NAA15: variants seen among roughly 807,000 people sequenced by gnomAD.
NAA15 encodes N-alpha-acetyltransferase 15, NatA auxiliary subunit.
Under a neutral mutation model 114.0 loss-of-function variants are expected in NAA15, and 34 were observed. That is an observed-to-expected ratio of 0.30 (90% CI 0.23 to 0.40). NAA15 has a LOEUF of 0.40. NAA15 is among the 10% of genes least tolerant of loss of function. The pLI is 1.00. For synonymous variants in NAA15, 340 were observed against 338.0 expected (o/e 1.01, Z -0.06); for missense variants, 658 against 1,004.5 (o/e 0.66, Z 4.66).
intron 14 of NAA15, among the ~76,000 whole-genome samples, chr4:139,367,975 A>G (rs914026699): frequency 6.6e-6 from 1 of 152,062 alleles, no homozygotes; most frequent in Non-Finnish European, 1.5e-5. Context: ...CAGCCTCCTC[A>G]AAGTCTAGAC....
intron 1 of NAA15, among the ~76,000 whole-genome samples, chr4:139,322,601 G>A (rs12645529): frequency 0.19 from 29,253 of 152,192 alleles, 3,200 homozygotes; most frequent in Non-Finnish European, 0.25. Flanking sequence ...GTAGTTGTTA[G>A]GCTCATGCTA....
At chr4:139,376,341 TATA>T in intron 15 of NAA15, 21 bp from the exon 16 acceptor site, 3 of 1,383,324 alleles carry the variant, frequency 2.2e-6, no homozygotes, top group African/African-American at 2.9e-5. Context: ...GTTTCATTTG[TATA>T]ATATCTTTTA....
intron 9 of NAA15, among the ~76,000 whole-genome samples, chr4:139,353,532 C>G (rs1248113749): frequency 6.6e-6 from 1 of 152,138 alleles, no homozygotes; most frequent in Non-Finnish European, 1.5e-5. Context: ...GAAACCAGAA[C>G]CTGGATGGCC....
intron 5 of NAA15, among the ~76,000 whole-genome samples, chr4:139,343,849 G>A (rs1747490843): frequency 6.6e-6 from 1 of 152,134 alleles, no homozygotes; most frequent in Admixed American, 6.5e-5. Context: ...GCCTGAATCA[G>A]TATTACTATG....
Position 139,336,830 on chromosome 4 carries a change from C to T in NAA15, c.140-18C>T. The T allele has an allele frequency of 7.0e-7, 1 of 1,421,184 alleles. No individual in the cohort carries two copies. The highest frequency in any genetic ancestry group is 1.5e-5 in the African/African-American group (1 of 68,528). The allele number at this position is 1,421,184 out of a possible 1,614,324, so 88.0% of individuals were successfully genotyped here. A position where few individuals can be genotyped will look rare whatever the true frequency, so the allele number is the denominator to read the frequency against. ...ATTTTTTTAAAATGTTCCTTTTCTT[C>T]TTTGTTTTTGAAAATAGAAACCTTG... is the stretch of plus-strand genomic sequence containing the variant. On this transcript the variant is annotated intron_variant, in intron 2 of 19. Coordinates refer to ENST00000296543, the MANE Select transcript of NAA15 (RefSeq NM_057175.5).
intron 10 of NAA15, among the ~76,000 whole-genome samples, chr4:139,355,852 T>A (rs1747932812): frequency 6.6e-6 from 1 of 152,210 alleles, no homozygotes; most frequent in Non-Finnish European, 1.5e-5. Flanking sequence ...TTTTATATGT[T>A]AGCAACTGTT....
intron 6 of NAA15, among the ~76,000 whole-genome samples, chr4:139,345,811 C>T (rs1440162536): frequency 6.6e-6 from 1 of 152,066 alleles, no homozygotes; most frequent in Admixed American, 6.6e-5. Context: ...GTCCCAGCTA[C>T]TCGGGAGGCT....
Position 139,301,764 on chromosome 4 carries a change from G to A in NAA15, c.-14G>A, listed in dbSNP as rs1001683099. On this transcript the variant is annotated 5_prime_UTR_variant, in exon 1 of 20. Transcript: ENST00000296543. ...AGCCGGGTGGTGGCGGGAGCAGCGG[G>A]AGCAGCCGGAACGATGCCGGCCGTG... The A allele has an allele frequency of 2.6e-6, 4 of 1,566,734 alleles. No homozygotes were observed. Among genetic ancestry groups the A allele is most frequent in the African/African-American group, 2.7e-5 (2 of 73,360 alleles).
Position 139,312,090 on chromosome 4 carries a change from C to T in NAA15, c.54+10259C>T, listed in dbSNP as rs925624323. Among the ~76,000 whole-genome samples the T allele has an allele frequency of 1.8e-4, 27 of 151,972 alleles. 1 individual carries two copies. Among genetic ancestry groups the T allele is most frequent in the African/African-American group, 6.5e-4 (27 of 41,342 alleles). On this transcript the variant is annotated intron_variant, in intron 1 of 19. Transcript: ENST00000296543. Reference sequence around the variant, plus strand: ...AGCTGATGTGGAAGAGAGAACAAGTCACATAACAGTGAGCTTAGCCAGCAA... The same window carrying T: ...AGCTGATGTGGAAGAGAGAACAAGTTACATAACAGTGAGCTTAGCCAGCAA...
chr4:139,315,549 C>T lies in NAA15; in HGVS notation c.54+13718C>T, dbSNP rs575570018. On this transcript the variant is annotated intron_variant, in intron 1 of 19. Transcript: ENST00000296543. ...AACAATAACAACAACAACAACGACT[C>T]GGCAAATCTGAGTAAAAGAGAAAAG... Among the ~76,000 whole-genome samples the T allele has an allele frequency of 6.3e-4, 95 of 151,846 alleles. 4 individuals carry two copies. The highest frequency in any genetic ancestry group is 4.2e-3 in the Admixed American group (64 of 15,244).
intron 15 of NAA15, among the ~76,000 whole-genome samples, chr4:139,371,348 A>G (rs544741446): frequency 1.4e-4 from 22 of 152,124 alleles, no homozygotes; most frequent in Admixed American, 1.4e-3. Flanking sequence ...CCAACTATAT[A>G]GGAGGCTGAG....
chr4:139,360,671 G>A (rs1014063337), intron 13 of NAA15, 43 bp downstream of exon 13: 3 of 1,510,314 alleles, frequency 2.0e-6, no homozygotes, highest in Admixed American at 2.2e-5. Flanking sequence ...TTATTCTGTC[G>A]ATGGTTTTGG....
chr4:139,327,664 C>G (rs142301887), intron 1 of NAA15, among the ~76,000 whole-genome samples: 6 of 151,842 alleles, frequency 4.0e-5, no homozygotes. Flanking sequence ...TATTTGTTTT[C>G]GTTTTGTTTT....
chr4:139,348,899 A>G (rs886852995), intron 6 of NAA15, among the ~76,000 whole-genome samples: 3 of 152,202 alleles, frequency 2.0e-5, no homozygotes, highest in Non-Finnish European at 2.9e-5. Flanking sequence ...TGATAGGTTG[A>G]TAGTTTTTTC....
rs577268284 is a variant in NAA15 at position 139,390,861 on chromosome 4, T to G, written c.*2777T>G. On this transcript the variant is annotated 3_prime_UTR_variant, in exon 20 of 20. Transcript: ENST00000296543. ...TATCAGGCCCTTGTTTTTCACAGTG[T>G]TGTTTGTACTCCATGGTGTATTGCT... The G allele has an allele frequency of 2.0e-5, 3 of 152,276 alleles. No individual in the cohort carries two copies. The South Asian group carries it at 6.2e-4, about 32-fold the overall frequency. The allele number at this position is 152,276 out of a possible 1,614,324, so 9.4% of individuals were successfully genotyped here.
chr4:139,375,623 T>C (rs1560980107), intron 15 of NAA15, among the ~76,000 whole-genome samples: 1 of 152,136 alleles, frequency 6.6e-6, no homozygotes, highest in Non-Finnish European at 1.5e-5. Context: ...AAAGCAAATA[T>C]AGAATCCAGA....
Position 139,341,078 on chromosome 4 carries a change from A to G in NAA15, c.402+9A>G. 6.7e-7 allele frequency: 1 copy of G among 1,499,778 alleles called. No homozygotes were observed. Among genetic ancestry groups the G allele is most frequent in the Non-Finnish European group, 8.9e-7 (1 of 1,126,266 alleles). The allele number at this position is 1,499,778 out of a possible 1,614,324, so 92.9% of individuals were successfully genotyped here. On this transcript the variant is annotated intron_variant, in intron 4 of 19. Transcript: ENST00000296543. ...ATCTTGAGGGTTACAGGGTAAGTAA[A>G]ATAGAGACTTTTTTTTTTAATTCTA...
In NAA15 at chr4:139,388,216, T is replaced by G. The variant is rs1748961410; in HGVS notation, c.*132T>G. 1.5e-6 allele frequency: 1 copy of G among 655,976 alleles called. No homozygotes were observed. Among genetic ancestry groups the G allele is most frequent in the Admixed American group, 3.2e-5 (1 of 31,578 alleles). The allele number at this position is 655,976 out of a possible 1,614,324, so 40.6% of individuals were successfully genotyped here. ...AATGTTCTTGCCTTCAAATAGTGTT[T>G]TACGTTTTTTATCCTGCTGAAAAAG... On this transcript the variant is annotated 3_prime_UTR_variant, in exon 20 of 20. Coordinates refer to ENST00000296543, the MANE Select transcript of NAA15 (RefSeq NM_057175.5).
At chr4:139,348,079 A>AGG (rs1465398882) in intron 6 of NAA15, among the ~76,000 whole-genome samples, 1 of 151,734 alleles carries the variant, frequency 6.6e-6, no homozygotes, top group Non-Finnish European at 1.5e-5. Flanking sequence ...AAGTCCTCTC[A>AGG]GTTTTAAAGT....
Sources: allele counts gnomAD v4.1 joint callset (sites outside exome capture counted in the v4.1 genomes callset), GRCh38; gene constraint gnomAD v4.1.1; transcripts MANE v1.5; gene names NCBI Gene and HGNC (gene_info 2026-07-23, HGNC 2026-07-21).